Variants in SLC13A4 observed in about 807,000 individuals in gnomAD.
The protein encoded by SLC13A4 is Na(+)/sulfate cotransporter SUT-1.
In SLC13A4, 28 loss-of-function variants were observed where a neutral mutation model predicts 72.7. The ratio of observed to expected loss-of-function variants is 0.39; its 90% CI spans 0.29 to 0.53. SLC13A4 has a LOEUF of 0.53. SLC13A4 is among the 20% of genes least tolerant of loss of function. The pLI, the probability that SLC13A4 is intolerant of heterozygous loss-of-function variation, is 0.78. For synonymous variants in SLC13A4, 312 were observed against 325.5 expected (o/e 0.96, Z 0.45); for missense variants, 653 against 788.0 (o/e 0.83, Z 2.05).
intron 12 of SLC13A4, 102 bp from the exon 13 acceptor site, chr7:135,691,427 T>TGGGGCGG (rs1795784371): frequency 2.0e-6 from 1 of 509,140 alleles, no homozygotes; most frequent in Admixed American, 2.9e-5. Context: ...TACTGCTATT[T>TGGGGCGG]GGGGCGGGGG....
intron 2 of SLC13A4, among the ~76,000 whole-genome samples, chr7:135,709,963 T>C (rs1289059318): frequency 6.6e-6 from 1 of 152,226 alleles, no homozygotes; most frequent in African/African-American, 2.4e-5. Context: ...GGTTCCCTTC[T>C]ATATATCTTA....
At chr7:135,695,327 G>C in intron 9 of SLC13A4, 41 bp downstream of exon 9, 1 of 1,611,098 alleles carries the variant, frequency 6.2e-7, no homozygotes, top group Non-Finnish European at 8.5e-7. Flanking sequence ...TGGATCAACA[G>C]GGGGGCTTCA....
intron 2 of SLC13A4, 82 bp from the exon 3 acceptor site, chr7:135,708,332 C>G: frequency 1.3e-6 from 2 of 1,558,604 alleles, no homozygotes; most frequent in Non-Finnish European, 1.7e-6. Context: ...TGGGCCATAC[C>G]CAATAAAACC....
At chr7:135,683,086 G>A (rs1205502514) in intron 15 of SLC13A4, among the ~76,000 whole-genome samples, 1 of 151,968 alleles carries the variant, frequency 6.6e-6, no homozygotes, top group Non-Finnish European at 1.5e-5. Context: ...ATCATCTGAA[G>A]CCAGTAGTTC....
chr7:135,695,427 T>C lies in SLC13A4; in HGVS notation c.960A>G (p.Ile320Met), dbSNP rs768194781. 1 of 1,614,048 alleles carries C rather than the reference T, an allele frequency of 6.2e-7. No homozygotes were observed. Among genetic ancestry groups the C allele is most frequent in the Non-Finnish European group, 8.5e-7 (1 of 1,179,986 alleles). Residue 320 changes from isoleucine to methionine, a missense_variant, in exon 9 of 16, where the codon ATA becomes ATG. By Grantham distance (10) the Ile-to-Met change is conservative (BLOSUM62 1). Transcript: ENST00000682651. ...FGTWFLFSFPISLIMLVVSWF... is the reference protein window; with the variant it reads ...FGTWFLFSFPMSLIMLVVSWF... ...AGCTGACCACCAGCATGATGAGGGA[T>C]ATGGGGAAGCTGAAGAGGAACCAGG...
chr7:135,701,682 G>C lies in SLC13A4; in HGVS notation c.712C>G (p.Gln238Glu). ...GCTAGAAGGGGCCGTTCTATTACCT[G>C]GGATGGGTGTTGCTTCTTGCCCTGG... is the stretch of plus-strand genomic sequence containing the variant. ...QHQGKKQHPSQEKPQVLTPSP... is the reference protein window; with the variant it reads ...QHQGKKQHPSEEKPQVLTPSP... The change falls in exon 7 of 16, where the codon CAG becomes GAG. Residue 238 changes from glutamine (Q) to glutamate (E), a missense_variant and splice_region_variant. Transcript: ENST00000682651. 1 of 1,613,592 alleles carries C rather than the reference G, an allele frequency of 6.2e-7. No individual in the cohort carries two copies. The highest frequency in any genetic ancestry group is 2.2e-5 in the East Asian group (1 of 44,854).
intron 1 of SLC13A4, among the ~76,000 whole-genome samples, chr7:135,723,675 A>T (rs1256659891): frequency 6.6e-6 from 1 of 152,180 alleles, no homozygotes; most frequent in East Asian, 1.9e-4. Flanking sequence ...ACTCTTGCAT[A>T]AAAGTTACAA....
chr7:135,691,928 G>T, intron 11 of SLC13A4: 1 of 429,560 alleles, frequency 2.3e-6, no homozygotes, highest in Non-Finnish European at 4.2e-6. Flanking sequence ...GAGTGGAGTT[G>T]GTTAGATAAA....
At chr7:135,709,357 C>T (rs1444678144) in intron 2 of SLC13A4, among the ~76,000 whole-genome samples, 2 of 149,982 alleles carry the variant, frequency 1.3e-5, no homozygotes, top group African/African-American at 4.9e-5. Context: ...GGGTAAGTTA[C>T]ACACATTTTG....
Position 135,682,894 on chromosome 7 carries a change from C to T in SLC13A4, c.1747-1194G>A, listed in dbSNP as rs566137166. Among the ~76,000 whole-genome samples the T allele has an allele frequency of 1.2e-4, 19 of 152,070 alleles. 1 individual carries two copies. The highest frequency in any genetic ancestry group is 1.2e-3 in the Admixed American group (19 of 15,274). ...ACAGGAGAGCTGGGGTAGAGCTCAG[C>T]GTGAGCAGACTGAGGGTTACGCAGT... On this transcript the variant is annotated intron_variant, in intron 15 of 15. Coordinates refer to ENST00000682651, the MANE Select transcript of SLC13A4 (RefSeq NM_001318192.2).
At chr7:135,714,490 C>T (rs940190679) in intron 2 of SLC13A4, among the ~76,000 whole-genome samples, 2 of 152,212 alleles carry the variant, frequency 1.3e-5, no homozygotes, top group Non-Finnish European at 2.9e-5. Context: ...GCTGCAAGGT[C>T]TGTAGGCTCC....
intron 1 of SLC13A4, among the ~76,000 whole-genome samples, chr7:135,721,973 G>T (rs1796558803): frequency 6.6e-6 from 1 of 152,220 alleles, no homozygotes; most frequent in African/African-American, 2.4e-5. Context: ...GGGGGCTGGG[G>T]CTTGCACTTG....
chr7:135,717,848 C>T (rs903672714), intron 2 of SLC13A4, among the ~76,000 whole-genome samples: 5 of 152,070 alleles, frequency 3.3e-5, no homozygotes, highest in Non-Finnish European at 5.9e-5. Flanking sequence ...GAACAAAAGG[C>T]AGAGGAAGCA....
chr7:135,719,903 G>GGA (rs1314789690), intron 2 of SLC13A4, among the ~76,000 whole-genome samples: 3 of 145,958 alleles, frequency 2.1e-5, no homozygotes, highest in South Asian at 2.3e-4. Context: ...GAGAGAGAGA[G>GGA]GAGAGAGAGA....
At chr7:135,688,048 T>A (rs1042617369) in intron 13 of SLC13A4, among the ~76,000 whole-genome samples, 1 of 151,952 alleles carries the variant, frequency 6.6e-6, no homozygotes, top group African/African-American at 2.4e-5. Context: ...CGATCTCGGC[T>A]CACCACAACC....
At chr7:135,701,943 TG>T (rs1200711675) in intron 6 of SLC13A4, 183 bp from the exon 7 acceptor site, 5 of 549,320 alleles carry the variant, frequency 9.1e-6, no homozygotes, top group Middle Eastern at 9.5e-4. Context: ...CCCAGCCTGG[TG>T]TCAAGTTCTC....
chr7:135,711,819 G>A (rs1584735164), intron 2 of SLC13A4, among the ~76,000 whole-genome samples: 3 of 151,852 alleles, frequency 2.0e-5, no homozygotes, highest in South Asian at 2.1e-4. Context: ...GTGCAGTGGC[G>A]CAATCTCGGC....
In SLC13A4 at chr7:135,681,595, C is replaced by T; in HGVS notation, c.1852G>A (p.Ala618Thr). 1 of 1,614,068 alleles carries T rather than the reference C, an allele frequency of 6.2e-7. No homozygotes were observed. Among genetic ancestry groups the T allele is most frequent in the Non-Finnish European group, 8.5e-7 (1 of 1,179,964 alleles). ...LFHLDTYPAWARVSNITDQA is the reference protein window; with the variant it reads ...LFHLDTYPAWTRVSNITDQA ...TGATCAGTGATGTTGCTGACCCTCG[C>T]CCATGCTGGGTAAGTGTCCAGGTGG... is the stretch of plus-strand genomic sequence containing the variant. The change falls in exon 16 of 16, where the codon GCG becomes ACG. Residue 618 changes from alanine (A) to threonine (T), a missense_variant. Physicochemically the swap from Ala to Thr is moderately conservative, Grantham distance 58. Transcript: ENST00000682651.
At chr7:135,724,743 G>T (rs1369461960) in intron 1 of SLC13A4, among the ~76,000 whole-genome samples, 2 of 152,146 alleles carry the variant, frequency 1.3e-5, no homozygotes, top group African/African-American at 4.8e-5. Context: ...ATTTTCCTTA[G>T]AGTAGAAGAA....
Sources: gnomAD v4.1 joint callset for allele counts (sites outside exome capture counted in the v4.1 genomes callset) on GRCh38, gnomAD v4.1.1 for gene constraint, MANE v1.5 for transcripts, NCBI Gene and HGNC (gene_info 2026-07-23, HGNC 2026-07-21) for gene names.